The following GTPBP1 variants were observed in gnomAD, a reference collection of about 807,000 sequenced individuals.
GTPBP1 encodes GTP-binding protein 1.
In GTPBP1, 23 loss-of-function variants were observed where a neutral mutation model predicts 62.0. That is an observed-to-expected ratio of 0.37 (90% CI 0.27 to 0.53). GTPBP1 has a LOEUF of 0.53. Ranked by LOEUF, GTPBP1 falls within the 20% of genes least tolerant of loss-of-function variation. The probability of loss-of-function intolerance (pLI) is 0.89; values close to 1 mark genes in which losing one functional copy is unlikely to be tolerated. For synonymous variants in GTPBP1, 344 were observed against 364.4 expected, an observed-to-expected ratio of 0.94 and a Z score of 0.64; for missense variants, 640 against 917.3, an observed-to-expected ratio of 0.70 and a Z score of 3.90.
intron 2 of GTPBP1, among the ~76,000 whole-genome samples, chr22:38,715,665 C>T (rs1012388524): frequency 6.6e-6 from 1 of 152,190 alleles, no homozygotes; most frequent in Non-Finnish European, 1.5e-5. Context: ...CCTGGGAGAG[C>T]CTCGGTGGCT....
downstream of GTPBP1, chr22:38,739,957 A>G (rs775109310): frequency 6.2e-7 from 1 of 1,606,856 alleles, no homozygotes; most frequent in Admixed American, 1.7e-5. The surrounding 1 kb of genome is among the most constrained non-coding windows in gnomAD (Gnocchi z 6.7). Flanking sequence ...TAGGAACCCA[A>G]AGGGGTGTCA....
At chr22:38,736,578 C>T, downstream of GTPBP1, 1 of 464,732 alleles carries the variant, frequency 2.2e-6, no homozygotes. Flanking sequence ...GGTTAAGGGG[C>T]CACCTGTAGC....
At chr22:38,740,954 AGT>A (rs928655911), downstream of GTPBP1, 1 of 1,538,920 alleles carries the variant, frequency 6.5e-7, no homozygotes, top group Non-Finnish European at 8.8e-7. The surrounding 1 kb of genome is among the most constrained non-coding windows in gnomAD (Gnocchi z 4.8). Context: ...CTGCCTGGAG[AGT>A]GGGTGGGGCT....
At chr22:38,740,802 C>T, downstream of GTPBP1, 1 of 618,288 alleles carries the variant, frequency 1.6e-6, no homozygotes, top group East Asian at 2.8e-5. This position sits in a 1 kb window ranked among gnomAD's most constrained non-coding sequence, Gnocchi z 4.8. Context: ...GCCCCCCGCC[C>T]TCAGGACCCC....
intron 4 of GTPBP1, among the ~76,000 whole-genome samples, chr22:38,721,077 C>T (rs1277080208): frequency 2.6e-5 from 4 of 151,902 alleles, no homozygotes; most frequent in Non-Finnish European, 5.9e-5. Flanking sequence ...GTCAATTTTT[C>T]TTTTTTTTGT....
At chr22:38,738,988 CCT>C, downstream of GTPBP1, 3 of 1,607,908 alleles carry the variant, frequency 1.9e-6, no homozygotes, top group Non-Finnish European at 2.5e-6. The surrounding 1 kb of genome is among the most constrained non-coding windows in gnomAD (Gnocchi z 6.6). Context: ...GACGCTGGCC[CCT>C]GAGACAGGAG....
At chr22:38,723,242 T>C in intron 5 of GTPBP1, 3 of 1,050,596 alleles carry the variant, frequency 2.9e-6, no homozygotes, top group Non-Finnish European at 4.5e-6. Flanking sequence ...CTTAAAGTCA[T>C]CAAGGCTTAG....
chr22:38,738,679 T>C (rs752955980), downstream of GTPBP1: 2 of 1,613,832 alleles, frequency 1.2e-6, no homozygotes, highest in South Asian at 1.1e-5. This position sits in a 1 kb window ranked among gnomAD's most constrained non-coding sequence, Gnocchi z 6.6. Flanking sequence ...GTGGGGCGGA[T>C]GCGGGCAGAG....
Position 38,729,623 on chromosome 22 carries a change from G to A in GTPBP1, c.1878G>A (p.Gly626=). 1 of 1,530,474 alleles carries A rather than the reference G, an allele frequency of 6.5e-7. No homozygotes were observed. Among genetic ancestry groups the A allele is most frequent in the Admixed American group, 2.1e-5 (1 of 46,858 alleles). 94.8% of individuals were successfully genotyped at this position (1,530,474 alleles called of 1,614,324 possible). The change falls in exon 11 of 12, where the codon GGG becomes GGA. Residue 626 remains glycine, a synonymous_variant. Transcript: ENST00000216044. Reference sequence around the variant, plus strand: ...CTGGAGATGAAGCCTCCTCTGTAGGGGCAGGGCAACCAGCTGCGTCCAGCA... The same window carrying A: ...CTGGAGATGAAGCCTCCTCTGTAGGAGCAGGGCAACCAGCTGCGTCCAGCA... The part of the protein sequence containing the change: ...PPPGDEASSV[G]AGQPAASSNL...
chr22:38,740,244 G>A (rs1417148469), downstream of GTPBP1: 2 of 1,533,412 alleles, frequency 1.3e-6, no homozygotes, highest in East Asian at 2.3e-5. The surrounding 1 kb of genome is among the most constrained non-coding windows in gnomAD (Gnocchi z 4.8). Flanking sequence ...GGGACCAGCA[G>A]GGCCCTGGTG....
intron 1 of GTPBP1, among the ~76,000 whole-genome samples, chr22:38,708,622 G>A (rs2092620112): frequency 6.6e-6 from 1 of 152,198 alleles, no homozygotes; most frequent in Non-Finnish European, 1.5e-5. Flanking sequence ...CATGGGTTAT[G>A]GCTCAGACAT....
intron 6 of GTPBP1, 99 bp from the exon 7 acceptor site, chr22:38,725,907 C>T (rs78701749): frequency 0.014 from 15,174 of 1,096,474 alleles, 155 homozygotes; most frequent in Middle Eastern, 0.024. Flanking sequence ...GTGGCATCTG[C>T]TCCTCGAGCC....
intron 2 of GTPBP1, among the ~76,000 whole-genome samples, chr22:38,710,154 G>A (rs1047305169): frequency 1.3e-5 from 2 of 152,244 alleles, no homozygotes; most frequent in Non-Finnish European, 2.9e-5. Context: ...TTTGCTGAAT[G>A]TAGGCTTTGT....
At chr22:38,736,074 C>G (rs1176432353), downstream of GTPBP1, 3 of 654,378 alleles carry the variant, frequency 4.6e-6, no homozygotes, top group Admixed American at 7.4e-5. Flanking sequence ...AAGAAGGGAG[C>G]TGCTGGAGCC....
At position 38,726,246 on chromosome 22, in the gene GTPBP1, T is replaced by C. The variant is rs1421541741; in HGVS notation, c.1219-12T>C. 6.2e-7 allele frequency: 1 copy of C among 1,613,478 alleles called. No individual in the cohort carries two copies. The highest frequency in any genetic ancestry group is 1.3e-5 in the African/African-American group (1 of 74,802). On this transcript the variant is annotated splice_polypyrimidine_tract_variant and intron_variant, in intron 7 of 11. Transcript: ENST00000216044. The surrounding 1 kb of genome is among the most constrained non-coding windows in gnomAD (Gnocchi z 4.1). Reference sequence around the variant, plus strand: ...GGATGCACTTATGAGGCCAGGGTCTTCTCCTTGGCAGGGTGTGGGGACAGT... The same window carrying C: ...GGATGCACTTATGAGGCCAGGGTCTCCTCCTTGGCAGGGTGTGGGGACAGT...
At chr22:38,722,816 G>C (rs768128821) in intron 5 of GTPBP1, 328 of 1,591,384 alleles carry the variant, frequency 2.1e-4, no homozygotes, top group Non-Finnish European at 2.2e-4. Context: ...CCAGTGTCCA[G>C]TTTGCTGGGC....
chr22:38,707,568 G>A (rs1335446505), intron 1 of GTPBP1, among the ~76,000 whole-genome samples: 1 of 152,324 alleles, frequency 6.6e-6, no homozygotes, highest in East Asian at 1.9e-4. Context: ...AAGCTCTGAT[G>A]AGTCAACTCA....
intron 5 of GTPBP1, 49 bp from the exon 6 acceptor site, chr22:38,724,248 C>A: frequency 1.8e-6 from 2 of 1,122,554 alleles, no homozygotes; most frequent in Non-Finnish European, 2.7e-6. Context: ...AAAGCCTGGC[C>A]AAAGAGAAGG....
Position 38,727,101 on chromosome 22 carries a change from A to G in GTPBP1, c.1402-112A>G. On this transcript the variant is annotated intron_variant, in intron 8 of 11. Coordinates refer to ENST00000216044, the MANE Select transcript of GTPBP1 (RefSeq NM_004286.5). The surrounding 1 kb of genome is among the most constrained non-coding windows in gnomAD (Gnocchi z 6.5). ...CTGTGGTCCAGTTGGTGAGGAAACCAGGCAGAGTTGGGGTGGTCCCTATCC... is the reference window on the plus strand; with the variant it reads ...CTGTGGTCCAGTTGGTGAGGAAACCGGGCAGAGTTGGGGTGGTCCCTATCC... 1 of 1,058,954 alleles carries G rather than the reference A, an allele frequency of 9.4e-7. No individual in the cohort carries two copies. The highest frequency in any genetic ancestry group is 1.3e-6 in the Non-Finnish European group (1 of 751,576). The allele number at this position is 1,058,954 out of a possible 1,614,324, so 65.6% of individuals were successfully genotyped here.
Sources: allele counts gnomAD v4.1 joint callset (sites outside exome capture counted in the v4.1 genomes callset), GRCh38; gene constraint gnomAD v4.1.1; non-coding constraint Gnocchi (gnomAD v3.1); transcripts MANE v1.5; gene names NCBI Gene and HGNC (gene_info 2026-07-23, HGNC 2026-07-21).